RNF8: variants seen among roughly 807,000 people sequenced by gnomAD.
RNF8 encodes E3 ubiquitin-protein ligase RNF8.
Under a neutral mutation model 59.3 loss-of-function variants are expected in RNF8, and 8 were observed. The observed-to-expected ratio is 0.13, with a 90% CI of 0.08 to 0.24. The LOEUF is 0.24. RNF8 is among the 10% of genes least tolerant of loss of function. RNF8 has a pLI of 1.00. For synonymous variants in RNF8, 162 were observed against 200.0 expected, an observed-to-expected ratio of 0.81 and a Z score of 1.60; for missense variants, 406 against 572.6, an observed-to-expected ratio of 0.71 and a Z score of 2.97.
At position 37,360,160 on chromosome 6, in the gene RNF8, A is replaced by G. The variant is rs573623013; in HGVS notation, c.112-286A>G. 1.3e-5 allele frequency among the ~76,000 whole-genome samples: 2 copies of G among 152,318 alleles called. No homozygotes were observed. Among genetic ancestry groups the G allele is most frequent in the South Asian group, 4.1e-4 (2 of 4,824 alleles). On this transcript the variant is annotated intron_variant, in intron 1 of 7. Transcript: ENST00000373479. This position sits in a 1 kb window ranked among gnomAD's most constrained non-coding sequence, Gnocchi z 4.2. The stretch of plus-strand genomic sequence containing the variant: ...TGGGATGTGTAGAAAGAATTCCTCT[A>G]TCTCATAGTCATTGAACCAGATGAC...
intron 2 of RNF8, 40 bp from the exon 3 acceptor site, chr6:37,368,444 A>G (rs1445380795): frequency 6.2e-7 from 1 of 1,614,044 alleles, no homozygotes; most frequent in South Asian, 1.1e-5. Context: ...AGAAGACGAA[A>G]ATCATGAAGC....
Position 37,354,023 on chromosome 6 carries a change from C to A in RNF8, c.-142C>A. 2 of 754,306 alleles carry A rather than the reference C, an allele frequency of 2.7e-6. No homozygotes were observed. The allele number at this position is 754,306 out of a possible 1,614,324, so 46.7% of individuals were successfully genotyped here. On this transcript the variant is annotated 5_prime_UTR_variant, in exon 1 of 8. Coordinates refer to ENST00000373479, the MANE Select transcript of RNF8 (RefSeq NM_003958.4). The stretch of plus-strand genomic sequence containing the variant: ...CCTGGCCGAGGGCGGGCGAGCGGAG[C>A]CTGCTTTCGCAGCGATCGCGAGCGT...
intron 1 of RNF8, among the ~76,000 whole-genome samples, chr6:37,354,771 G>C (rs1045103184): frequency 2.4e-5 from 3 of 122,562 alleles, no homozygotes; most frequent in Admixed American, 2.1e-4. Flanking sequence ...AGAGCCCCGC[G>C]GTGCCAGGTC....
At chr6:37,359,311 A>G in intron 1 of RNF8, 1 of 400,458 alleles carries the variant, frequency 2.5e-6, no homozygotes, top group Non-Finnish European at 4.9e-6. Context: ...CTCCAATGCA[A>G]AGACTTTTGG....
chr6:37,377,451 GA>G (rs1157602574), intron 6 of RNF8, among the ~76,000 whole-genome samples: 3 of 152,142 alleles, frequency 2.0e-5, no homozygotes, highest in African/African-American at 7.2e-5. Context: ...GGAACATTCT[GA>G]AGAGATTTTC....
chr6:37,373,316 A>T (rs915245124), intron 4 of RNF8, among the ~76,000 whole-genome samples: 15 of 152,192 alleles, frequency 9.9e-5, no homozygotes, highest in Admixed American at 1.3e-4. Context: ...AGATGTGTTT[A>T]TATACAGCTC....
rs1213687096 is a variant in RNF8, at chr6:37,369,273, C to T, written c.975+55C>T. The T allele has an allele frequency of 2.0e-6, 3 of 1,500,230 alleles. No homozygotes were observed. The African/African-American group carries it at 4.2e-5, about 21-fold the overall frequency. The allele number at this position is 1,500,230 out of a possible 1,614,324, so 92.9% of individuals were successfully genotyped here. On this transcript the variant is annotated intron_variant, in intron 3 of 7. Transcript: ENST00000373479. ...GTCTTCAGGGGTGGGGCAGGCACTT[C>T]ATGAGTCTCTGGCCAGAGTTCTCAG...
Position 37,369,193 on chromosome 6 carries a change from T to C in RNF8, c.950T>C (p.Phe317Ser). 2 of 1,611,960 alleles carry C rather than the reference T, an allele frequency of 1.2e-6. No individual in the cohort carries two copies. Among genetic ancestry groups the C allele is most frequent in the Non-Finnish European group, 1.7e-6 (2 of 1,179,078 alleles). The change falls in exon 3 of 8, where the codon TTC becomes TCC. Residue 317 changes from phenylalanine (F) to serine (S), a missense_variant. By Grantham distance (155) the Phe-to-Ser change is radical. This residue lies in a region of RNF8 where 285 missense variants were observed against 342.0 expected (regional missense o/e 0.83). Coordinates refer to ENST00000373479, the MANE Select transcript of RNF8 (RefSeq NM_003958.4). ...AGAGTGGAGCAACTAGAGAAGACTT[T>C]CCAGGAAGAGGAACAGCATCTTCAG... is the stretch of plus-strand genomic sequence containing the variant. ...QARVEQLEKTFQEEEQHLQGL... is the reference protein window; with the variant it reads ...QARVEQLEKTSQEEEQHLQGL...
intron 7 of RNF8, among the ~76,000 whole-genome samples, chr6:37,384,059 C>T (rs1178924734): frequency 6.6e-6 from 1 of 151,660 alleles, no homozygotes; most frequent in South Asian, 2.1e-4. Context: ...ATAAAATCTC[C>T]TTGGTCCTTT....
Position 37,368,581 on chromosome 6 carries a change from A to T in RNF8, c.338A>T (p.Glu113Val). Residue 113 changes from glutamate (E) to valine (V), a missense_variant, in exon 3 of 8, where the codon GAA becomes GTA. By Grantham distance (121) the Glu-to-Val change is moderately radical. This residue lies in a region of RNF8 where 285 missense variants were observed against 342.0 expected (regional missense o/e 0.83). Coordinates refer to ENST00000373479, the MANE Select transcript of RNF8 (RefSeq NM_003958.4). ...GDYIQLGVPL[E>V]NKENAEYEYE... ...TACATCCAACTTGGAGTGCCTCTGG[A>T]AAATAAGGAGAATGCGGAGTATGAA... 6.2e-7 allele frequency: 1 copy of T among 1,614,166 alleles called. No individual in the cohort carries two copies. Among genetic ancestry groups the T allele is most frequent in the Non-Finnish European group, 8.5e-7 (1 of 1,180,022 alleles).
chr6:37,381,599 TG>T (rs1207348981), intron 7 of RNF8, among the ~76,000 whole-genome samples: 3 of 152,082 alleles, frequency 2.0e-5, no homozygotes, highest in African/African-American at 4.8e-5. Flanking sequence ...GCCTTGGTTG[TG>T]GGGGGATAAA....
Position 37,381,369 on chromosome 6 carries a change from G to C in RNF8, c.1441+15G>C. 1 of 1,607,478 alleles carries C rather than the reference G, an allele frequency of 6.2e-7. No homozygotes were observed. The highest frequency in any genetic ancestry group is 1.3e-5 in the African/African-American group (1 of 74,894). On this transcript the variant is annotated intron_variant, in intron 7 of 7. Coordinates refer to ENST00000373479, the MANE Select transcript of RNF8 (RefSeq NM_003958.4). ...GGAACGAAAAGGTGAGTGGGTGTGA[G>C]AATTCCTACCCCTCAAGAAAGGACT...
chr6:37,366,879 C>G (rs1769577364), intron 2 of RNF8, among the ~76,000 whole-genome samples: 1 of 152,214 alleles, frequency 6.6e-6, no homozygotes. Context: ...TGTTTCAAGT[C>G]TATTTTAGGA....
At chr6:37,377,141 C>T (rs1426608984) in intron 6 of RNF8, 108 bp downstream of exon 6, 9 of 597,980 alleles carry the variant, frequency 1.5e-5, no homozygotes, top group East Asian at 8.8e-5. Context: ...GCCACAATCT[C>T]GGCTCACTGC....
At chr6:37,362,688 G>A (rs950635631) in intron 2 of RNF8, among the ~76,000 whole-genome samples, 25 of 152,178 alleles carry the variant, frequency 1.6e-4, no homozygotes, top group African/African-American at 6.0e-4. Context: ...AATTTCAGCT[G>A]TAGGGTATTA....
intron 5 of RNF8, among the ~76,000 whole-genome samples, chr6:37,376,601 A>G (rs1770030679): frequency 6.6e-6 from 1 of 152,160 alleles, no homozygotes; most frequent in Non-Finnish European, 1.5e-5. Context: ...TGGAGCCCTC[A>G]TGACCTAGTC....
At chr6:37,372,463 G>A (rs1363354757) in intron 4 of RNF8, among the ~76,000 whole-genome samples, 1 of 152,152 alleles carries the variant, frequency 6.6e-6, no homozygotes, top group Non-Finnish European at 1.5e-5. Flanking sequence ...TTTTGAGCTT[G>A]TTTATTTTCT....
Position 37,392,744 on chromosome 6 carries a change from T to G in RNF8, c.*1986T>G. 2 of 398,510 alleles carry G rather than the reference T, an allele frequency of 5.0e-6. No individual in the cohort carries two copies. Among genetic ancestry groups the G allele is most frequent in the Non-Finnish European group, 4.4e-6 (1 of 226,028 alleles). 24.7% of individuals were successfully genotyped at this position (398,510 alleles called of 1,614,324 possible). A position where few individuals can be genotyped will look rare whatever the true frequency, so the allele number is the denominator to read the frequency against. Reference sequence around the variant, plus strand: ...TCTAGGTTGGTTCAAACCTTTTTACTCTTAAAACAATGCTGCAGTTAACAC... The same window carrying G: ...TCTAGGTTGGTTCAAACCTTTTTACGCTTAAAACAATGCTGCAGTTAACAC... On this transcript the variant is annotated 3_prime_UTR_variant, in exon 8 of 8. Transcript: ENST00000373479.
intron 7 of RNF8, among the ~76,000 whole-genome samples, chr6:37,389,171 T>C (rs1267688254): frequency 1.3e-5 from 2 of 152,178 alleles, no homozygotes. Flanking sequence ...ACATGGTAGC[T>C]CTTCAGTAAA....
Sources: allele counts gnomAD v4.1 joint callset (sites outside exome capture counted in the v4.1 genomes callset), GRCh38; gene constraint gnomAD v4.1.1; regional missense constraint gnomAD v4.1.1; non-coding constraint Gnocchi (gnomAD v3.1); transcripts MANE v1.5; gene names NCBI Gene and HGNC (gene_info 2026-07-23, HGNC 2026-07-21).